Variants in CCDC12 observed in about 807,000 individuals in gnomAD.
CCDC12 encodes the protein coiled-coil domain-containing protein 12.
CCDC12 carries 28 observed loss-of-function variants against 25.7 expected under a neutral mutation model. That is an observed-to-expected ratio of 1.09 (90% confidence interval 0.81 to 1.50). CCDC12 has a LOEUF of 1.50. Among genes scored for constraint, CCDC12 ranks in the 40% most tolerant of loss-of-function variants. CCDC12 has a pLI of 0.00. For missense variants in CCDC12, 198 were observed against 210.0 expected (o/e 0.94, Z 0.35); for synonymous variants, 75 against 87.7 (o/e 0.86, Z 0.81).
intron 2 of CCDC12, among the ~76,000 whole-genome samples, chr3:46,925,928 A>C (rs1287901472): frequency 6.6e-6 from 1 of 152,242 alleles, no homozygotes; most frequent in African/African-American, 2.4e-5. Flanking sequence ...TCTTAGCTCA[A>C]GGCAATGTAT....
intron 1 of CCDC12, 70 bp from the exon 2 acceptor site, chr3:46,941,135 G>C: frequency 6.7e-7 from 1 of 1,485,862 alleles, no homozygotes. Context: ...GGCCCAGGGA[G>C]CTAAAGAACA....
In CCDC12 at chr3:46,958,701, C is replaced by T. The variant is rs116520812; in HGVS notation, c.97-17636G>A. ...GGCAAAGGTTGTGATGCCCACTCCG[C>T]GAAAGGAGGAGCTGAGACTCGGGAT... On this transcript the variant is annotated intron_variant, in intron 1 of 6. Coordinates refer to ENST00000683445, the MANE Select transcript of CCDC12 (RefSeq NM_001277074.2). Among the ~76,000 whole-genome samples, 1,338 of 152,126 alleles carry T rather than the reference C, an allele frequency of 8.8e-3. 9 individuals carry two copies. The highest frequency in any genetic ancestry group is 0.014 in the Non-Finnish European group (930 of 68,002).
At chr3:46,962,128 T>C (rs1430532487) in intron 1 of CCDC12, among the ~76,000 whole-genome samples, 1 of 152,156 alleles carries the variant, frequency 6.6e-6, no homozygotes, top group Non-Finnish European at 1.5e-5. Context: ...TAAGAACTAC[T>C]ATTCGCCAAA....
chr3:46,951,045 G>T (rs780166040), intron 1 of CCDC12, among the ~76,000 whole-genome samples: 1 of 151,994 alleles, frequency 6.6e-6, no homozygotes, highest in Non-Finnish European at 1.5e-5. Context: ...GAGGTGGGAG[G>T]ATCAAACAAG....
intron 1 of CCDC12, chr3:46,975,877 GCT>G (rs2034967906): frequency 1.7e-5 from 2 of 117,552 alleles, no homozygotes; most frequent in South Asian, 5.4e-4. Context: ...ACGGAGTCTC[GCT>G]CTGTTGCCCA....
In CCDC12 at chr3:46,922,042, G is replaced by A; in HGVS notation, c.*15C>T. ...AGGACAGGCCTGATGGGCGAGTGGT[G>A]GGGCAGGGCATGCCTCAGTCGGAGT... On this transcript the variant is annotated 3_prime_UTR_variant, in exon 7 of 7. Coordinates refer to ENST00000683445, the MANE Select transcript of CCDC12 (RefSeq NM_001277074.2). The A allele has an allele frequency of 6.2e-7, 1 of 1,613,236 alleles. No homozygotes were observed. Among genetic ancestry groups the A allele is most frequent in the East Asian group, 2.2e-5 (1 of 44,890 alleles).
At chr3:46,974,548 T>C (rs983833010) in intron 1 of CCDC12, among the ~76,000 whole-genome samples, 1 of 125,020 alleles carries the variant, frequency 8.0e-6, no homozygotes, top group Non-Finnish European at 1.7e-5. Flanking sequence ...TTTGAGCTTC[T>C]CTGGGACAGG....
At chr3:46,943,174 C>CT (rs2033777970) in intron 1 of CCDC12, among the ~76,000 whole-genome samples, 2 of 152,180 alleles carry the variant, frequency 1.3e-5, no homozygotes, top group Non-Finnish European at 2.9e-5. Context: ...AGTATAAATG[C>CT]TTCACTGAGA....
intron 1 of CCDC12, chr3:46,966,166 G>C (rs1199674437): frequency 1.3e-5 from 2 of 152,492 alleles, no homozygotes; most frequent in African/African-American, 4.8e-5. Flanking sequence ...GGAGGGGGGA[G>C]TGTACATTTA....
chr3:46,968,346 C>T (rs1393534756), intron 1 of CCDC12, among the ~76,000 whole-genome samples: 2 of 19,130 alleles, frequency 1.0e-4, no homozygotes, highest in African/African-American at 1.4e-4. Context: ...TCTTTGCTTC[C>T]ACTGGAACCG....
upstream of CCDC12, chr3:46,976,973 A>C: frequency 1.7e-6 from 1 of 605,764 alleles, no homozygotes; most frequent in Non-Finnish European, 2.8e-6. Context: ...AAAAAAAGAA[A>C]AAAAAAAAAG....
chr3:46,952,381 G>A (rs1309326653), intron 1 of CCDC12, among the ~76,000 whole-genome samples: 1 of 152,152 alleles, frequency 6.6e-6, no homozygotes, highest in Non-Finnish European at 1.5e-5. Flanking sequence ...CTTTCCATTG[G>A]GTAGAGCACA....
intron 2 of CCDC12, among the ~76,000 whole-genome samples, chr3:46,937,182 G>T (rs1056324026): frequency 6.6e-6 from 1 of 152,194 alleles, no homozygotes; most frequent in Non-Finnish European, 1.5e-5. Flanking sequence ...CTGTGTAAAG[G>T]AGAGTTGGGG....
chr3:46,970,327 T>C (rs1191423274), intron 1 of CCDC12, among the ~76,000 whole-genome samples: 2 of 152,090 alleles, frequency 1.3e-5, no homozygotes, highest in Non-Finnish European at 2.9e-5. Context: ...TGTTACTGCA[T>C]ATTATGTGTG....
intron 2 of CCDC12, among the ~76,000 whole-genome samples, chr3:46,927,066 C>T (rs921190797): frequency 2.6e-5 from 4 of 152,234 alleles, no homozygotes; most frequent in South Asian, 2.1e-4. Flanking sequence ...CCCCAGCTTA[C>T]TTACCATCTC....
chr3:46,970,642 C>A (rs2034776950), intron 1 of CCDC12, among the ~76,000 whole-genome samples: 2 of 152,340 alleles, frequency 1.3e-5, no homozygotes, highest in Non-Finnish European at 2.9e-5. Context: ...GCCAGACAGC[C>A]AGTCTCCCTG....
chr3:46,930,735 C>A (rs1274334362), intron 2 of CCDC12, among the ~76,000 whole-genome samples: 1 of 152,204 alleles, frequency 6.6e-6, no homozygotes, highest in Non-Finnish European at 1.5e-5. Context: ...CACACTTCCC[C>A]GTCCATCACG....
chr3:46,927,261 G>A (rs1045539055), intron 2 of CCDC12, among the ~76,000 whole-genome samples: 11 of 152,196 alleles, frequency 7.2e-5, no homozygotes, highest in Non-Finnish European at 1.6e-4. Context: ...TACATGTCAG[G>A]TCACAGAGGT....
chr3:46,962,921 G>A (rs960842242), intron 1 of CCDC12, among the ~76,000 whole-genome samples: 1 of 152,164 alleles, frequency 6.6e-6, no homozygotes, highest in African/African-American at 2.4e-5. Flanking sequence ...GGGAAGAGCA[G>A]CACAATCCAT....
Sources: allele counts gnomAD v4.1 joint callset (sites outside exome capture counted in the v4.1 genomes callset), GRCh38; gene constraint gnomAD v4.1.1; transcripts MANE v1.5; gene names NCBI Gene and HGNC (gene_info 2026-07-23, HGNC 2026-07-21).